Variants in COL21A1 observed in about 807,000 individuals in gnomAD.
The protein encoded by COL21A1 is collagen type XXI alpha 1 chain.
Under a neutral mutation model 137.9 loss-of-function variants are expected in COL21A1, and 149 were observed. The observed-to-expected ratio is 1.08, with a 90% CI of 0.95 to 1.24. The LOEUF is 1.24. Among genes scored for constraint, COL21A1 ranks in the 50% most tolerant of loss-of-function variants. The pLI is 0.00. For synonymous variants in COL21A1, 456 were observed against 391.5 expected, an observed-to-expected ratio of 1.16 and a Z score of -1.95; for missense variants, 1,167 against 1,158.4, an observed-to-expected ratio of 1.01 and a Z score of -0.11.
At chr6:56,276,678 C>T (rs1324875765) in intron 1 of COL21A1, 2 of 1,440,626 alleles carry the variant, frequency 1.4e-6, no homozygotes, top group Non-Finnish European at 1.9e-6. Flanking sequence ...CTGCATGATC[C>T]TTGTCACAAA....
At chr6:56,058,394 TTA>T (rs1290414487) in intron 29 of COL21A1, among the ~76,000 whole-genome samples, 3 of 152,166 alleles carry the variant, frequency 2.0e-5, no homozygotes, top group Admixed American at 6.6e-5. Context: ...ATTAGTTCAA[TTA>T]GCATGCTCAA....
chr6:56,342,223 G>A lies in COL21A1; in HGVS notation c.-39+51748C>T, dbSNP rs372622795. Among the ~76,000 whole-genome samples the A allele has an allele frequency of 1.1e-3, 168 of 152,304 alleles. 1 individual carries two copies. The highest frequency in any genetic ancestry group is 4.0e-3 in the African/African-American group (165 of 41,552). On this transcript the variant is annotated intron_variant, in intron 1 of 28. Transcript: ENST00000370819. ...CCTCGGGGAAAGGGCGGGTAAGTCAGAAGCAGCCAAACTTCTGGAAAACAG... is the reference window on the plus strand; with the variant it reads ...CCTCGGGGAAAGGGCGGGTAAGTCAAAAGCAGCCAAACTTCTGGAAAACAG...
intron 1 of COL21A1, among the ~76,000 whole-genome samples, chr6:56,360,890 A>C (rs1392294688): frequency 6.6e-6 from 1 of 152,196 alleles, no homozygotes; most frequent in Non-Finnish European, 1.5e-5. Flanking sequence ...ACCTGAAGTC[A>C]GGAGTTCAAG....
intron 1 of COL21A1, among the ~76,000 whole-genome samples, chr6:56,308,752 G>T (rs1031538423): frequency 1.3e-5 from 2 of 151,892 alleles, no homozygotes; most frequent in African/African-American, 4.8e-5. Context: ...AAACAAATAA[G>T]ATTTAAAGCT....
intron 1 of COL21A1, among the ~76,000 whole-genome samples, chr6:56,339,399 G>T (rs1339267570): frequency 6.6e-6 from 1 of 152,124 alleles, no homozygotes; most frequent in East Asian, 1.9e-4. Context: ...TTATTATTTT[G>T]CTAGTGGTCT....
intron 1 of COL21A1, among the ~76,000 whole-genome samples, chr6:56,286,430 C>T (rs1291960099): frequency 6.6e-6 from 1 of 152,196 alleles, no homozygotes; most frequent in East Asian, 1.9e-4. Context: ...AATACCCATG[C>T]ATACACACAT....
At chr6:56,208,492 G>A (rs1274813751) in intron 1 of COL21A1, among the ~76,000 whole-genome samples, 1 of 152,084 alleles carries the variant, frequency 6.6e-6, no homozygotes, top group East Asian at 1.9e-4. Flanking sequence ...TCTTCAATGA[G>A]AACTACAAAC....
intron 10 of COL21A1, among the ~76,000 whole-genome samples, chr6:56,154,403 G>A (rs1561924269): frequency 6.6e-6 from 1 of 152,280 alleles, no homozygotes; most frequent in East Asian, 1.9e-4. Context: ...GTCTCCCCCA[G>A]TCTTGCCCAG....
In COL21A1 at chr6:56,319,084, T is replaced by C. The variant is rs192754932; in HGVS notation, c.-39+74887A>G. Among the ~76,000 whole-genome samples the C allele has an allele frequency of 1.8e-3, 270 of 152,298 alleles. 1 individual carries two copies. Among genetic ancestry groups the C allele is most frequent in the South Asian group, 0.012 (57 of 4,820 alleles). ...ACTTTCCAGCAGCACTTGACACAGT[T>C]GATCGCACCCTTCTCTCAACACTTT... is the stretch of plus-strand genomic sequence containing the variant. On this transcript the variant is annotated intron_variant, in intron 1 of 28. Transcript: ENST00000370819.
chr6:56,150,102 C>G (rs929768367), intron 10 of COL21A1, among the ~76,000 whole-genome samples: 2 of 152,190 alleles, frequency 1.3e-5, no homozygotes, highest in Admixed American at 1.3e-4. Context: ...TCATCAGTCA[C>G]GTAACTTTGA....
intron 1 of COL21A1, among the ~76,000 whole-genome samples, chr6:56,384,348 T>C (rs527410648): frequency 7.2e-5 from 11 of 152,338 alleles, no homozygotes; most frequent in East Asian, 1.9e-4. Flanking sequence ...TCCCCTTTCA[T>C]CTACTTCAAA....
chr6:56,283,582 A>T (rs1422761628), intron 1 of COL21A1, among the ~76,000 whole-genome samples: 1 of 152,208 alleles, frequency 6.6e-6, no homozygotes, highest in Non-Finnish European at 1.5e-5. Flanking sequence ...AAAGGAAGAC[A>T]TATACCAAAA....
rs531147313 is a variant in COL21A1, at chr6:56,106,450, A to G, written c.1759-4925T>C. Among the ~76,000 whole-genome samples the G allele has an allele frequency of 2.0e-4, 30 of 152,280 alleles. No individual in the cohort carries two copies. The South Asian group carries it at 5.8e-3, about 29-fold the overall frequency. ...TGTGCCACAAGAATCTAAAATCAAC[A>G]CATTATGTTTCTCACTCCTCCACAT... On this transcript the variant is annotated intron_variant, in intron 16 of 29. Transcript: ENST00000244728.
chr6:56,245,735 C>T lies in COL21A1; in HGVS notation c.-39+1652G>A, dbSNP rs557187584. On this transcript the variant is annotated intron_variant, in intron 1 of 29. Coordinates refer to ENST00000244728, the MANE Select transcript of COL21A1 (RefSeq NM_030820.4). Reference sequence around the variant, plus strand: ...GAGAAGCAGAAGAGCAGGTCTTGAACCCAGGTCTGCCTCAGACCAAAGTTC... The same window carrying T: ...GAGAAGCAGAAGAGCAGGTCTTGAATCCAGGTCTGCCTCAGACCAAAGTTC... 4.3e-4 allele frequency among the ~76,000 whole-genome samples: 66 copies of T among 152,180 alleles called. 1 individual carries two copies. Among genetic ancestry groups the T allele is most frequent in the Non-Finnish European group, 1.9e-4 (13 of 68,030 alleles).
chr6:56,367,293 C>T (rs750509475), intron 1 of COL21A1, among the ~76,000 whole-genome samples: 3 of 152,192 alleles, frequency 2.0e-5, no homozygotes, highest in Admixed American at 6.5e-5. Flanking sequence ...TGCATGTTCA[C>T]GCCTTCCCTA....
intron 16 of COL21A1, among the ~76,000 whole-genome samples, chr6:56,112,415 G>T (rs969596240): frequency 3.9e-5 from 6 of 152,060 alleles, no homozygotes; most frequent in Admixed American, 3.9e-4. Flanking sequence ...CAAAAATCAG[G>T]TGAGCACTCA....
Position 56,057,539 on chromosome 6 carries a change from AT to A in COL21A1, c.*117del. On this transcript the variant is annotated 3_prime_UTR_variant, in exon 30 of 30. Coordinates refer to ENST00000244728, the MANE Select transcript of COL21A1 (RefSeq NM_030820.4). ...TATTTTTTTCCATAAGAAAAAAAAA[AT>A]AAAAACACCGAGGTACTTAAGTTTC... The A allele has an allele frequency of 1.1e-6, 1 of 938,476 alleles. No individual in the cohort carries two copies. Among genetic ancestry groups the A allele is most frequent in the Non-Finnish European group, 1.6e-6 (1 of 620,784 alleles). 58.1% of individuals were successfully genotyped at this position (938,476 alleles called of 1,614,324 possible).
chr6:56,236,576 C>T (rs1781915393), intron 1 of COL21A1, among the ~76,000 whole-genome samples: 1 of 152,040 alleles, frequency 6.6e-6, no homozygotes, highest in African/African-American at 2.4e-5. Context: ...CTTCAAAAGG[C>T]TGGGTCAAGC....
chr6:56,127,040 T>C lies in COL21A1; in HGVS notation c.1543-891A>G, dbSNP rs567463659. ...TCTTTTTATTCCAAAGCTCCACATC[T>C]CTTTGAGTTCAAATCACCAAACCAT... is the stretch of plus-strand genomic sequence containing the variant. On this transcript the variant is annotated intron_variant, in intron 12 of 29. Coordinates refer to ENST00000244728, the MANE Select transcript of COL21A1 (RefSeq NM_030820.4). Among the ~76,000 whole-genome samples the C allele has an allele frequency of 3.3e-5, 5 of 152,258 alleles. No individual in the cohort carries two copies. In the East Asian group the frequency reaches 9.6e-4, roughly 29 times the overall value.
Sources: gnomAD v4.1 joint callset for allele counts (sites outside exome capture counted in the v4.1 genomes callset) on GRCh38, gnomAD v4.1.1 for gene constraint, MANE v1.5 for transcripts, NCBI Gene and HGNC (gene_info 2026-07-23, HGNC 2026-07-21) for gene names.